Variants in SLC13A4 observed in about 807,000 individuals in gnomAD.
SLC13A4 encodes solute carrier family 13 member 4, also known as Na(+)/sulfate cotransporter SUT-1.
A neutral mutation model predicts 72.7 loss-of-function variants in SLC13A4; 28 were observed. The ratio of observed to expected loss-of-function variants is 0.39; its 90% confidence interval spans 0.29 to 0.53. The LOEUF (loss-of-function observed/expected upper bound fraction) is 0.53, where lower values mean the gene tolerates loss of function less well. Ranked by LOEUF, SLC13A4 falls within the 20% of genes least tolerant of loss-of-function variation. The pLI, the probability that SLC13A4 is intolerant of heterozygous loss-of-function variation, is 0.78. For synonymous variants in SLC13A4, 312 were observed against 325.5 expected (o/e 0.96, Z 0.45); for missense variants, 653 against 788.0 (o/e 0.83, Z 2.05).
intron 15 of SLC13A4, among the ~76,000 whole-genome samples, chr7:135,682,099 A>AGG (rs933558266): frequency 1.3e-5 from 2 of 152,206 alleles, no homozygotes; most frequent in African/African-American, 4.8e-5. Context: ...AACTTGTACG[A>AGG]GGGGCTATAT....
Position 135,691,220 on chromosome 7 carries a change from G to C in SLC13A4, c.1427C>G (p.Ala476Gly). 6.2e-7 allele frequency: 1 copy of C among 1,607,174 alleles called. No homozygotes were observed. Among genetic ancestry groups the C allele is most frequent in the Non-Finnish European group, 8.5e-7 (1 of 1,178,184 alleles). Residue 476 changes from alanine (A) to glycine (G), a missense_variant, in exon 13 of 16, where the codon GCT (alanine) becomes GGT (glycine). Coordinates refer to ENST00000682651, the MANE Select transcript of SLC13A4 (RefSeq NM_001318192.2). ...EIVILVGGGY[A>G]LASGSKSSGL... The stretch of plus-strand genomic sequence containing the variant: ...AATTACCTTGCTACCAGAAGCCAGA[G>C]CATAGCCTCCCCCAACCAGAATGAC...
intron 15 of SLC13A4, 143 bp downstream of exon 15, chr7:135,683,981 G>A (rs1795563406): frequency 1.0e-6 from 1 of 1,004,738 alleles, no homozygotes; most frequent in Non-Finnish European, 1.4e-6. Flanking sequence ...CTTTTTATAG[G>A]TGCTATTCTT....
intron 11 of SLC13A4, chr7:135,692,037 C>G: frequency 2.2e-6 from 1 of 461,524 alleles, no homozygotes. Flanking sequence ...ACAGTTGGTA[C>G]TTTATAGATG....
At chr7:135,727,033 G>C (rs1422491321) in intron 1 of SLC13A4, among the ~76,000 whole-genome samples, 1 of 152,172 alleles carries the variant, frequency 6.6e-6, no homozygotes, top group African/African-American at 2.4e-5. Context: ...AGGGTCCCAG[G>C]TGAACTCCCG....
intron 2 of SLC13A4, among the ~76,000 whole-genome samples, chr7:135,711,963 ATTTTTTTTTTTTTTTTTTTTT>A (rs529940903): frequency 1.2e-3 from 56 of 46,904 alleles, no homozygotes; most frequent in Admixed American, 3.7e-3. Flanking sequence ...ATGTTTTTGG[ATTTTTTTTTTTTTTTTTTTTT>A]TTTTTTTTTT....
intron 1 of SLC13A4, among the ~76,000 whole-genome samples, chr7:135,726,952 C>T (rs995777412): frequency 3.9e-5 from 6 of 152,202 alleles, no homozygotes; most frequent in Admixed American, 2.6e-4. Context: ...CGGTTCTCTT[C>T]CTCCCCCAAC....
chr7:135,699,472 A>C lies in SLC13A4; in HGVS notation c.791T>G (p.Met264Arg). ...GCTCAGGGAGAGGCACTTGCAGATC[A>C]TCTGGTCATGGTGGGACCTGTACTT... ...NRKYRSHHDQ[M>R]ICKCLSLSIS... is the part of the protein sequence containing the mutation. The change falls in exon 8 of 16, where the codon ATG becomes AGG. Residue 264 changes from methionine to arginine, a missense_variant. By Grantham distance (91) the Met-to-Arg change is moderately conservative. Transcript: ENST00000682651. 1.9e-6 allele frequency: 3 copies of C among 1,613,236 alleles called. No individual in the cohort carries two copies. Among genetic ancestry groups the C allele is most frequent in the Non-Finnish European group, 2.5e-6 (3 of 1,179,642 alleles).
rs761611602 is a variant in SLC13A4, at chr7:135,706,327, A to C, written c.366-27T>G. 1.9e-5 allele frequency: 30 copies of C among 1,579,010 alleles called. No individual in the cohort carries two copies. In the South Asian group the frequency reaches 2.9e-4, roughly 16 times the overall value. On this transcript the variant is annotated intron_variant, in intron 3 of 15. Coordinates refer to ENST00000682651, the MANE Select transcript of SLC13A4 (RefSeq NM_001318192.2). ...TGGAAGGCAGGGAGGGTTGGGGCAG[A>C]GCGTCCACGGAACACACATCCCTGC...
Position 135,681,512 on chromosome 7 carries a change from A to G in SLC13A4, c.*51T>C. On this transcript the variant is annotated 3_prime_UTR_variant, in exon 16 of 16. Coordinates refer to ENST00000682651, the MANE Select transcript of SLC13A4 (RefSeq NM_001318192.2). ...GGTTTTCTTTGCCTGTGGTCCAGATACTGCTGGATACTGGCAGCTCCTGTG... is the reference window on the plus strand; with the variant it reads ...GGTTTTCTTTGCCTGTGGTCCAGATGCTGCTGGATACTGGCAGCTCCTGTG... 1 of 1,583,550 alleles carries G rather than the reference A, an allele frequency of 6.3e-7. No homozygotes were observed. Among genetic ancestry groups the G allele is most frequent in the Non-Finnish European group, 8.6e-7 (1 of 1,161,760 alleles).
chr7:135,719,833 C>T (rs1796507893), intron 2 of SLC13A4, among the ~76,000 whole-genome samples: 1 of 126,806 alleles, frequency 7.9e-6, no homozygotes, highest in South Asian at 2.7e-4. Context: ...GTGTGTATAG[C>T]CACACACACG....
At chr7:135,719,841 ACG>A (rs1374851917) in intron 2 of SLC13A4, among the ~76,000 whole-genome samples, 23 of 144,908 alleles carry the variant, frequency 1.6e-4, no homozygotes, top group Non-Finnish European at 3.2e-4. Context: ...AGCCACACAC[ACG>A]CATATATATA....
chr7:135,718,244 C>CA (rs1282264762), intron 2 of SLC13A4, among the ~76,000 whole-genome samples: 1 of 151,952 alleles, frequency 6.6e-6, no homozygotes, highest in Non-Finnish European at 1.5e-5. Flanking sequence ...TCAGGGTACC[C>CA]ATATCATCCC....
chr7:135,727,380 G>C lies in SLC13A4; in HGVS notation c.99+18C>G, dbSNP rs1796687051. The C allele has an allele frequency of 6.5e-7, 1 of 1,547,674 alleles. No individual in the cohort carries two copies. The highest frequency in any genetic ancestry group is 8.7e-7 in the Non-Finnish European group (1 of 1,146,044). ...CCACTGACTCCCAGACCCCCGGTGG[G>C]CGCAGGTCGGTACTCACGCTGCTGG... On this transcript the variant is annotated intron_variant, in intron 1 of 15. Coordinates refer to ENST00000682651, the MANE Select transcript of SLC13A4 (RefSeq NM_001318192.2).
intron 2 of SLC13A4, among the ~76,000 whole-genome samples, chr7:135,716,009 C>G (rs1194776243): frequency 2.0e-5 from 3 of 152,194 alleles, no homozygotes; most frequent in African/African-American, 4.8e-5. Context: ...GCTCAGACAT[C>G]TAGGGACAGG....
intron 3 of SLC13A4, chr7:135,707,846 G>T: frequency 3.0e-6 from 1 of 336,958 alleles, no homozygotes; most frequent in Non-Finnish European, 5.4e-6. Context: ...TACCTGATGG[G>T]CCCCTATATG....
At chr7:135,713,373 T>G (rs1461850133) in intron 2 of SLC13A4, among the ~76,000 whole-genome samples, 1 of 152,122 alleles carries the variant, frequency 6.6e-6, no homozygotes, top group Non-Finnish European at 1.5e-5. Context: ...GAGGTCCCCT[T>G]GACAAGGAAT....
At chr7:135,709,031 G>A (rs1200534602) in intron 2 of SLC13A4, among the ~76,000 whole-genome samples, 8 of 142,998 alleles carry the variant, frequency 5.6e-5, no homozygotes, top group Non-Finnish European at 9.0e-5. Flanking sequence ...CTGGGTTCAC[G>A]CCATTCTCCT....
chr7:135,696,765 C>T (rs1795914655), intron 8 of SLC13A4, among the ~76,000 whole-genome samples: 1 of 152,218 alleles, frequency 6.6e-6, no homozygotes, highest in Non-Finnish European at 1.5e-5. Context: ...GCTTCTCCCA[C>T]CTCTTGACCA....
intron 2 of SLC13A4, among the ~76,000 whole-genome samples, chr7:135,720,938 A>T (rs1796534457): frequency 6.6e-6 from 1 of 152,206 alleles, no homozygotes; most frequent in South Asian, 2.1e-4. Context: ...GGTTCAGGGA[A>T]ATAGGGTAAG....
Sources: allele counts gnomAD v4.1 joint callset (sites outside exome capture counted in the v4.1 genomes callset), GRCh38; gene constraint gnomAD v4.1.1; transcripts MANE v1.5; gene names NCBI Gene and HGNC (gene_info 2026-07-23, HGNC 2026-07-21).